The following NECTIN1 variants were observed in gnomAD, a reference collection of about 807,000 sequenced individuals.
The protein encoded by NECTIN1 is nectin cell adhesion molecule 1.
NECTIN1 carries 23 observed loss-of-function variants against 48.0 expected under a neutral mutation model. The ratio of observed to expected loss-of-function variants is 0.48; its 90% CI spans 0.34 to 0.68. The LOEUF (loss-of-function observed/expected upper bound fraction) is 0.68. Among genes scored for constraint, NECTIN1 ranks in the 30% least tolerant of loss-of-function variants. The pLI is 0.01. For synonymous variants in NECTIN1, 270 were observed against 288.9 expected (o/e 0.93, Z 0.66); for missense variants, 591 against 709.9 (o/e 0.83, Z 1.90).
intron 5 of NECTIN1, among the ~76,000 whole-genome samples, chr11:119,651,036 G>A (rs1373148728): frequency 6.6e-6 from 1 of 152,142 alleles, no homozygotes; most frequent in African/African-American, 2.4e-5. Flanking sequence ...GTAATTCTTG[G>A]ATAGGTAGTT....
intron 1 of NECTIN1, among the ~76,000 whole-genome samples, chr11:119,712,093 A>G (rs1865658967): frequency 6.6e-6 from 1 of 152,220 alleles, no homozygotes; most frequent in Non-Finnish European, 1.5e-5. Context: ...CTTGGGAAGA[A>G]GAGGACAAGG....
At chr11:119,648,265 G>GTGGTGGTGGTGATGGTGGTGGTGA (rs1406525947) in intron 5 of NECTIN1, among the ~76,000 whole-genome samples, 1 of 28,710 alleles carries the variant, frequency 3.5e-5, no homozygotes, top group African/African-American at 1.1e-4. Context: ...GGTGGTAATA[G>GTGGTGGTGGTGATGGTGGTGGTGA]TGGTGGTGGT....
intron 1 of NECTIN1, among the ~76,000 whole-genome samples, chr11:119,723,420 C>T (rs1865864375): frequency 6.6e-6 from 1 of 152,066 alleles, no homozygotes; most frequent in Non-Finnish European, 1.5e-5. Flanking sequence ...GCTCTCCCTC[C>T]ACCAGGGCCT....
intron 6 of NECTIN1, chr11:119,639,717 C>CA: frequency 9.5e-7 from 1 of 1,052,578 alleles, no homozygotes; most frequent in Non-Finnish European, 1.4e-6. Flanking sequence ...CTCTTCCTGC[C>CA]AAAGGGTTAG....
intron 5 of NECTIN1, among the ~76,000 whole-genome samples, chr11:119,643,206 C>A (rs1864350776): frequency 6.6e-6 from 1 of 152,104 alleles, no homozygotes; most frequent in Non-Finnish European, 1.5e-5. Context: ...GAGGGTCGCA[C>A]CCTGGTGGAA....
Position 119,678,750 on chromosome 11 carries a change from A to C in NECTIN1, c.95T>G (p.Val32Gly), listed in dbSNP as rs1865008899. ...ATACATGGAGTCGTTCACCTGGACCACCTGGGAGTGGACGCCTGGCCAGGA... is the reference window on the plus strand; with the variant it reads ...ATACATGGAGTCGTTCACCTGGACCCCCTGGGAGTGGACGCCTGGCCAGGA... The part of the protein sequence containing the change: ...AFFLPGVHSQ[V>G]VQVNDSMYGF... Residue 32 changes from valine to glycine, a missense_variant, in exon 2 of 6, where the codon GTG becomes GGG. Physicochemically the swap from Val to Gly is moderately radical, Grantham distance 109. Transcript: ENST00000264025. This position sits in a 1 kb window ranked among gnomAD's most constrained non-coding sequence, Gnocchi z 4.4. 1 of 1,610,122 alleles carries C rather than the reference A, an allele frequency of 6.2e-7. No homozygotes were observed. The highest frequency in any genetic ancestry group is 8.5e-7 in the Non-Finnish European group (1 of 1,178,320).
rs1489972445 is a variant in NECTIN1 at position 119,699,847 on chromosome 11, C to T, written c.80-21082G>A. ...CTCCTGACTCCAAGTGTAGTGTGTACCCCACCAGCTCACCCTTTCTCTCCA... is the reference window on the plus strand; with the variant it reads ...CTCCTGACTCCAAGTGTAGTGTGTATCCCACCAGCTCACCCTTTCTCTCCA... On this transcript the variant is annotated intron_variant, in intron 1 of 5. Coordinates refer to ENST00000264025, the MANE Select transcript of NECTIN1 (RefSeq NM_002855.5). Among the ~76,000 whole-genome samples the T allele has an allele frequency of 2.6e-5, 4 of 152,122 alleles. No individual in the cohort carries two copies. The East Asian group carries it at 5.8e-4, about 22-fold the overall frequency.
At chr11:119,667,212 G>C (rs1001944954) in intron 5 of NECTIN1, among the ~76,000 whole-genome samples, 1 of 152,142 alleles carries the variant, frequency 6.6e-6, no homozygotes, top group Non-Finnish European at 1.5e-5. Context: ...CACGAGATGG[G>C]AGCAGCCTCC....
At chr11:119,696,714 G>C (rs766411191) in intron 1 of NECTIN1, among the ~76,000 whole-genome samples, 3 of 152,154 alleles carry the variant, frequency 2.0e-5, no homozygotes, top group Non-Finnish European at 2.9e-5. Flanking sequence ...GGTTCCCCAG[G>C]GTGGGAATTG....
chr11:119,671,538 C>G (rs1249773175), intron 5 of NECTIN1, among the ~76,000 whole-genome samples: 1 of 152,124 alleles, frequency 6.6e-6, no homozygotes, highest in Admixed American at 6.5e-5. Flanking sequence ...GGCTTACAGT[C>G]TGGATCTAGG....
chr11:119,678,563 G>T lies in NECTIN1; in HGVS notation c.282C>A (p.Arg94=), dbSNP rs150290487. 1 of 1,614,062 alleles carries T rather than the reference G, an allele frequency of 6.2e-7. No homozygotes were observed. Among genetic ancestry groups the T allele is most frequent in the African/African-American group, 1.3e-5 (1 of 74,912 alleles). The change falls in exon 2 of 6, where the codon CGC becomes CGA. Residue 94 remains arginine (R), a synonymous_variant. Transcript: ENST00000264025. The surrounding 1 kb of genome is among the most constrained non-coding windows in gnomAD (Gnocchi z 4.4). ...AGGGCCGCAGGAATTCCACACGCTC[G>T]CGGTAGGGAGCCAGCACGGACACGC... is the stretch of plus-strand genomic sequence containing the variant. The part of the protein sequence containing the change: ...SMGVSVLAPY[R]ERVEFLRPSF...
intron 1 of NECTIN1, chr11:119,713,702 T>C (rs750136691): frequency 1.1e-5 from 4 of 371,514 alleles, no homozygotes; most frequent in African/African-American, 2.1e-5. Flanking sequence ...GGCAGGAAGC[T>C]TGGCCTGGAT....
chr11:119,700,057 C>G (rs943308262), intron 1 of NECTIN1, among the ~76,000 whole-genome samples: 1 of 152,208 alleles, frequency 6.6e-6, no homozygotes, highest in Non-Finnish European at 1.5e-5. Context: ...GGCACTGTAG[C>G]GACAACCGTG....
intron 1 of NECTIN1, among the ~76,000 whole-genome samples, chr11:119,697,493 C>A (rs1028393987): frequency 6.6e-6 from 1 of 152,218 alleles, no homozygotes; most frequent in Non-Finnish European, 1.5e-5. Flanking sequence ...TGGTCAGTAT[C>A]TGTGCTTCCT....
downstream of NECTIN1, among the ~76,000 whole-genome samples, chr11:119,658,437 G>T (rs1297403938): frequency 6.6e-6 from 1 of 152,128 alleles, no homozygotes; most frequent in East Asian, 1.9e-4. Flanking sequence ...AGAACCCAAG[G>T]ACTGCTCTGC....
chr11:119,638,814 C>T, intron 6 of NECTIN1: 1 of 1,612,770 alleles, frequency 6.2e-7, no homozygotes. Flanking sequence ...GTCCTGGAGA[C>T]AGAATGAGGG....
chr11:119,693,532 C>G (rs1865296296), intron 1 of NECTIN1, among the ~76,000 whole-genome samples: 1 of 152,196 alleles, frequency 6.6e-6, no homozygotes, highest in Admixed American at 6.5e-5. Context: ...TGCTGTTATT[C>G]TTTTCCTCGT....
At position 119,665,798 on chromosome 11, in the gene NECTIN1, CA is replaced by C. The variant is rs758740217; in HGVS notation, c.1004-502del. Among the ~76,000 whole-genome samples the C allele has an allele frequency of 2.4e-4, 37 of 152,188 alleles. No individual in the cohort carries two copies. The highest frequency in any genetic ancestry group is 4.3e-4 in the Non-Finnish European group (29 of 68,038). On this transcript the variant is annotated intron_variant, in intron 5 of 5. Coordinates refer to ENST00000264025, the MANE Select transcript of NECTIN1 (RefSeq NM_002855.5). This position sits in a 1 kb window ranked among gnomAD's most constrained non-coding sequence, Gnocchi z 5.1. ...GCTTCTCCTGCACATAGAACGTGTG[CA>C]AATGTCACTGATACCCCTCTGCCAG...
At chr11:119,656,264 G>A (rs909072793), downstream of NECTIN1, 3 of 152,208 alleles carry the variant, frequency 2.0e-5, no homozygotes, top group Admixed American at 6.5e-5. Flanking sequence ...CACCCACTCT[G>A]TGCTAGCTCT....
Sources: allele counts gnomAD v4.1 joint callset (sites outside exome capture counted in the v4.1 genomes callset), GRCh38; gene constraint gnomAD v4.1.1; non-coding constraint Gnocchi (gnomAD v3.1); transcripts MANE v1.5; gene names NCBI Gene and HGNC (gene_info 2026-07-23, HGNC 2026-07-21).